SLC25A26: variants seen among roughly 807,000 people sequenced by gnomAD.
SLC25A26 encodes mitochondrial S-adenosylmethionine carrier protein.
SLC25A26 carries 36 observed loss-of-function variants against 37.8 expected under a neutral mutation model. The observed-to-expected ratio is 0.95, with a 90% CI of 0.73 to 1.26. The LOEUF is 1.26. Ranked by LOEUF, SLC25A26 falls within the 50% of genes most tolerant of loss-of-function variation. SLC25A26 has a pLI of 0.00. For missense variants in SLC25A26, 390 were observed against 331.1 expected, an observed-to-expected ratio of 1.18 and a Z score of -1.38; for synonymous variants, 129 against 122.5, an observed-to-expected ratio of 1.05 and a Z score of -0.35.
chr3:66,286,004 T>C (rs902690707), intron 5 of SLC25A26, among the ~76,000 whole-genome samples: 3 of 152,228 alleles, frequency 2.0e-5, no homozygotes, highest in African/African-American at 7.2e-5. Context: ...TTGGCATCCT[T>C]GCATCTTTTT....
At chr3:66,237,841 G>T (rs918000414) in intron 2 of SLC25A26, among the ~76,000 whole-genome samples, 9 of 152,106 alleles carry the variant, frequency 5.9e-5, no homozygotes, top group Non-Finnish European at 1.3e-4. Context: ...TTTGTTTTTC[G>T]CAGGATGATT....
intron 5 of SLC25A26, among the ~76,000 whole-genome samples, chr3:66,337,081 T>C (rs1210564010): frequency 6.6e-6 from 1 of 152,138 alleles, no homozygotes; most frequent in Non-Finnish European, 1.5e-5. Context: ...AAAGCAAATA[T>C]TGAACATTAG....
At chr3:66,218,072 A>G (rs2071387767), upstream of SLC25A26, among the ~76,000 whole-genome samples, 1 of 151,328 alleles carries the variant, frequency 6.6e-6, no homozygotes, top group African/African-American at 2.4e-5. Context: ...TGTCTTTTCC[A>G]GAATTTCACG....
chr3:66,173,826 G>C (rs1192048240), intron 1 of SLC25A26, among the ~76,000 whole-genome samples: 1 of 152,146 alleles, frequency 6.6e-6, no homozygotes, highest in African/African-American at 2.4e-5. Flanking sequence ...GCCAAGGTGG[G>C]TGGATCACAA....
intron 5 of SLC25A26, among the ~76,000 whole-genome samples, chr3:66,299,185 A>G (rs1276871747): frequency 6.6e-6 from 1 of 152,198 alleles, no homozygotes; most frequent in Non-Finnish European, 1.5e-5. Flanking sequence ...TATTTAAAAG[A>G]ATACATACAA....
intron 5 of SLC25A26, chr3:66,293,196 G>A (rs1448679545): frequency 1.3e-5 from 2 of 152,094 alleles, no homozygotes; most frequent in East Asian, 1.9e-4. Context: ...TCCAATTTTA[G>A]TGTATGTGCT....
rs114434443 is a variant in SLC25A26 at position 66,327,042 on chromosome 3, A to G, written c.454-19322A>G. Among the ~76,000 whole-genome samples the G allele has an allele frequency of 4.9e-3, 744 of 152,334 alleles. 11 individuals carry two copies. The highest frequency in any genetic ancestry group is 0.013 in the African/African-American group (546 of 41,570). ...TACCATTTAATTCTAGTTAATACATAGAAAAAGTCATTCACACTACCCCCC... is the reference window on the plus strand; with the variant it reads ...TACCATTTAATTCTAGTTAATACATGGAAAAAGTCATTCACACTACCCCCC... On this transcript the variant is annotated intron_variant, in intron 5 of 9. Transcript: ENST00000354883.
At chr3:66,282,039 C>T (rs1432970441) in intron 5 of SLC25A26, among the ~76,000 whole-genome samples, 1 of 124,178 alleles carries the variant, frequency 8.1e-6, no homozygotes, top group Non-Finnish European at 1.6e-5. Flanking sequence ...GAGTCTCGCT[C>T]TGTCGCCCAG....
At chr3:66,291,791 A>G (rs1011890948) in intron 5 of SLC25A26, among the ~76,000 whole-genome samples, 2 of 152,170 alleles carry the variant, frequency 1.3e-5, no homozygotes, top group Non-Finnish European at 2.9e-5. Context: ...TTTGGGGTGG[A>G]GAGTTCTGTA....
chr3:66,333,232 T>C (rs572575744), intron 5 of SLC25A26, among the ~76,000 whole-genome samples: 2 of 152,322 alleles, frequency 1.3e-5, no homozygotes, highest in South Asian at 4.1e-4. Flanking sequence ...ATTCTTCTGC[T>C]TTATTACTGC....
chr3:66,362,267 G>A (rs964599588), intron 6 of SLC25A26, among the ~76,000 whole-genome samples: 2 of 152,090 alleles, frequency 1.3e-5, no homozygotes, highest in East Asian at 1.9e-4. Flanking sequence ...ATTTGTAATA[G>A]CCCCAAACTG....
chr3:66,206,519 T>C (rs2071179264), intron 1 of SLC25A26, among the ~76,000 whole-genome samples: 1 of 152,164 alleles, frequency 6.6e-6, no homozygotes, highest in African/African-American at 2.4e-5. Flanking sequence ...CTTGGAGCCA[T>C]GTAATGCACA....
intron 5 of SLC25A26, among the ~76,000 whole-genome samples, chr3:66,276,143 A>C (rs1337600594): frequency 1.3e-5 from 2 of 152,148 alleles, no homozygotes; most frequent in African/African-American, 4.8e-5. Context: ...CATAATGAAA[A>C]TAGTTAAAAT....
intron 1 of SLC25A26, among the ~76,000 whole-genome samples, chr3:66,196,329 G>C (rs2071043642): frequency 6.6e-6 from 1 of 152,158 alleles, no homozygotes; most frequent in African/African-American, 2.4e-5. Context: ...CAACTTGTCA[G>C]TGTCCTTGTG....
intron 1 of SLC25A26, among the ~76,000 whole-genome samples, chr3:66,214,333 C>CTA (rs1390783897): frequency 6.6e-6 from 1 of 152,164 alleles, no homozygotes; most frequent in Non-Finnish European, 1.5e-5. Context: ...TGGTGCCATA[C>CTA]TTGTACAGCC....
intron 5 of SLC25A26, among the ~76,000 whole-genome samples, chr3:66,268,959 C>T (rs1182980478): frequency 6.6e-6 from 1 of 152,176 alleles, no homozygotes; most frequent in African/African-American, 2.4e-5. Flanking sequence ...AAACTGTGAG[C>T]CAAACCTCTT....
chr3:66,143,873 C>G (rs989322818), intron 1 of SLC25A26, among the ~76,000 whole-genome samples: 4 of 151,942 alleles, frequency 2.6e-5, no homozygotes, highest in African/African-American at 9.7e-5. Flanking sequence ...AGAGTAAGAC[C>G]CTGTCTCAAA....
intron 8 of SLC25A26, 148 bp from the exon 9 acceptor site, chr3:66,370,376 AGCCAG>A (rs1700279489): frequency 1.7e-5 from 3 of 175,724 alleles, no homozygotes; most frequent in Non-Finnish European, 3.3e-5. Context: ...TGGGCGAGCG[AGCCAG>A]GTCCTGATTG....
At chr3:66,281,094 T>C (rs191429852) in intron 5 of SLC25A26, among the ~76,000 whole-genome samples, 8 of 152,324 alleles carry the variant, frequency 5.3e-5, no homozygotes, top group African/African-American at 1.9e-4. Context: ...CATAGACTTT[T>C]GTAGAGTCCG....
Sources: allele counts gnomAD v4.1 joint callset (sites outside exome capture counted in the v4.1 genomes callset), GRCh38; gene constraint gnomAD v4.1.1; transcripts MANE v1.5; gene names NCBI Gene and HGNC (gene_info 2026-07-23, HGNC 2026-07-21).